Variants in AGBL1 observed in about 807,000 individuals in gnomAD.
The protein encoded by AGBL1 is AGBL carboxypeptidase 1, also known as cytosolic carboxypeptidase 4.
A neutral mutation model predicts 118.9 loss-of-function variants in AGBL1; 130 were observed. The ratio of observed to expected loss-of-function variants is 1.09; its 90% CI spans 0.95 to 1.26. The LOEUF is 1.26. AGBL1 is among the 50% of genes most tolerant of loss of function. AGBL1 has a pLI of 0.00. For missense variants in AGBL1, 1,584 were observed against 1,298.1 expected (o/e 1.22, Z -3.38); for synonymous variants, 555 against 478.9 (o/e 1.16, Z -2.08).
At chr15:86,430,862 G>C (rs1300736717) in intron 18 of AGBL1, among the ~76,000 whole-genome samples, 1 of 152,118 alleles carries the variant, frequency 6.6e-6, no homozygotes, top group Non-Finnish European at 1.5e-5. Flanking sequence ...TATTAAACTG[G>C]TTGTTTACTA....
At position 86,901,883 on chromosome 15, in the gene AGBL1, C is replaced by A. The variant is rs369046579; in HGVS notation, c.3159-5204C>A. Among the ~76,000 whole-genome samples the A allele has an allele frequency of 2.6e-5, 4 of 151,916 alleles. No individual in the cohort carries two copies. In the East Asian group the frequency reaches 5.8e-4, roughly 22 times the overall value. On this transcript the variant is annotated intron_variant, in intron 22 of 22. Transcript: ENST00000614907. The stretch of plus-strand genomic sequence containing the variant: ...GTGGATGAATTTTTTTTAGTTGTTA[C>A]ATTAAAGTTTTAGCTGGTTAATGTT...
chr15:86,750,689 T>C (rs553444980), intron 22 of AGBL1, among the ~76,000 whole-genome samples: 1 of 152,204 alleles, frequency 6.6e-6, no homozygotes, highest in South Asian at 2.1e-4. Flanking sequence ...GTTTGTTGTG[T>C]AGGTAATTGT....
At chr15:86,685,317 G>T (rs2086033699) in intron 22 of AGBL1, among the ~76,000 whole-genome samples, 1 of 152,076 alleles carries the variant, frequency 6.6e-6, no homozygotes, top group Non-Finnish European at 1.5e-5. Flanking sequence ...AATATCTTCG[G>T]TCATGTGATA....
chr15:86,660,711 C>T (rs1297980871), intron 21 of AGBL1, among the ~76,000 whole-genome samples: 1 of 152,110 alleles, frequency 6.6e-6, no homozygotes, highest in Non-Finnish European at 1.5e-5. Flanking sequence ...GGTCAGGCCT[C>T]ATTTACTGAA....
At chr15:86,845,462 G>T (rs2079305211) in intron 22 of AGBL1, among the ~76,000 whole-genome samples, 1 of 152,084 alleles carries the variant, frequency 6.6e-6, no homozygotes, top group African/African-American at 2.4e-5. Flanking sequence ...ACTTAGTCAT[G>T]ATGTACAATC....
At chr15:86,486,722 A>G (rs2082716663) in intron 18 of AGBL1, among the ~76,000 whole-genome samples, 1 of 152,122 alleles carries the variant, frequency 6.6e-6, no homozygotes, top group Non-Finnish European at 1.5e-5. Context: ...ATTGACCAAT[A>G]CAGTGAATCT....
At chr15:86,211,800 T>C (rs1056444532) in intron 5 of AGBL1, among the ~76,000 whole-genome samples, 2 of 152,098 alleles carry the variant, frequency 1.3e-5, no homozygotes, top group South Asian at 4.2e-4. Context: ...ACTTCCTGGG[T>C]GAGGAGATGC....
intron 21 of AGBL1, among the ~76,000 whole-genome samples, chr15:86,623,106 C>A (rs1164165289): frequency 1.3e-5 from 2 of 152,200 alleles, no homozygotes. Flanking sequence ...ACAGATGAAG[C>A]TTCACTCTCT....
intron 21 of AGBL1, among the ~76,000 whole-genome samples, chr15:86,558,245 T>C (rs1015825284): frequency 1.3e-5 from 2 of 152,174 alleles, no homozygotes; most frequent in Non-Finnish European, 2.9e-5. Context: ...CAATTTCCCC[T>C]GGTTGTTCAC....
chr15:86,747,077 C>G (rs983649061), intron 22 of AGBL1, among the ~76,000 whole-genome samples: 1 of 151,958 alleles, frequency 6.6e-6, no homozygotes, highest in Non-Finnish European at 1.5e-5. Flanking sequence ...CTTCACAGCC[C>G]CCCGAGCATA....
chr15:86,697,774 G>T (rs746979828), intron 22 of AGBL1, among the ~76,000 whole-genome samples: 1 of 151,864 alleles, frequency 6.6e-6, no homozygotes, highest in Non-Finnish European at 1.5e-5. Flanking sequence ...TGGCCCATGG[G>T]TTGTTCCTTT....
At chr15:86,506,888 C>T (rs894009768) in intron 18 of AGBL1, among the ~76,000 whole-genome samples, 2 of 151,984 alleles carry the variant, frequency 1.3e-5, no homozygotes, top group Non-Finnish European at 2.9e-5. Context: ...GGTATCATAT[C>T]ATGTAGGATA....
intron 7 of AGBL1, among the ~76,000 whole-genome samples, chr15:86,252,092 G>T (rs2078825997): frequency 6.6e-6 from 1 of 152,200 alleles, no homozygotes; most frequent in Non-Finnish European, 1.5e-5. Flanking sequence ...GTTCCGAGGT[G>T]AGATGCAAGA....
intron 21 of AGBL1, among the ~76,000 whole-genome samples, chr15:86,661,633 A>G (rs2085542394): frequency 6.6e-6 from 1 of 151,992 alleles, no homozygotes; most frequent in Non-Finnish European, 1.5e-5. Flanking sequence ...ATAAGAGGAG[A>G]ATTACCAATT....
At chr15:86,352,078 C>T (rs1399649412) in intron 17 of AGBL1, among the ~76,000 whole-genome samples, 1 of 152,220 alleles carries the variant, frequency 6.6e-6, no homozygotes, top group Non-Finnish European at 1.5e-5. Context: ...AAAGGCCAGA[C>T]TCCTTCTCTA....
chr15:86,973,108 T>G (rs916899429), intron 23 of AGBL1, among the ~76,000 whole-genome samples: 3 of 152,020 alleles, frequency 2.0e-5, no homozygotes, highest in African/African-American at 7.2e-5. Flanking sequence ...TGGTATGTAT[T>G]TGTGATGCTG....
intron 21 of AGBL1, among the ~76,000 whole-genome samples, chr15:86,598,023 G>C (rs1367682816): frequency 6.6e-6 from 1 of 152,130 alleles, no homozygotes; most frequent in Non-Finnish European, 1.5e-5. Context: ...ATGTGGGTCA[G>C]AGTTCTATCA....
chr15:86,595,884 A>T (rs1031315147), intron 21 of AGBL1, among the ~76,000 whole-genome samples: 1 of 151,438 alleles, frequency 6.6e-6, no homozygotes, highest in Non-Finnish European at 1.5e-5. Flanking sequence ...CTGGAAAATG[A>T]TCCTAGTGCA....
chr15:86,258,531 C>T (rs2078933509), intron 9 of AGBL1, among the ~76,000 whole-genome samples: 1 of 152,048 alleles, frequency 6.6e-6, no homozygotes, highest in African/African-American at 2.4e-5. Context: ...CTTTGGTCCC[C>T]CTCCCAAAAA....
Sources: allele counts gnomAD v4.1 joint callset (sites outside exome capture counted in the v4.1 genomes callset), GRCh38; gene constraint gnomAD v4.1.1; transcripts MANE v1.5; gene names NCBI Gene and HGNC (gene_info 2026-07-23, HGNC 2026-07-21).